STARD13: variants seen among roughly 807,000 people sequenced by gnomAD.
STARD13 encodes StAR related lipid transfer domain containing 13.
In STARD13, 62 loss-of-function variants were observed where a neutral mutation model predicts 106.4. The ratio of observed to expected loss-of-function variants is 0.58; its 90% confidence interval spans 0.48 to 0.72. The LOEUF (loss-of-function observed/expected upper bound fraction) is 0.72, where lower values mean the gene tolerates loss of function less well. Ranked by LOEUF, STARD13 falls within the 30% of genes least tolerant of loss-of-function variation. The pLI, the probability that STARD13 is intolerant of heterozygous loss-of-function variation, is 0.00. For missense variants in STARD13, 1,387 were observed against 1,424.0 expected (o/e 0.97, Z 0.42); for synonymous variants, 565 against 553.0 (o/e 1.02, Z -0.31).
intron 1 of STARD13, among the ~76,000 whole-genome samples, chr13:33,340,603 G>A (rs1359933455): frequency 6.6e-6 from 1 of 152,164 alleles, no homozygotes; most frequent in African/African-American, 2.4e-5. Context: ...GGAGAAAGGA[G>A]CATTCAACAA....
chr13:33,295,501 C>T lies in STARD13; in HGVS notation c.124+54789G>A, dbSNP rs184677474. ...CAACAGAGACAAAGTCCCTAACTCA[C>T]CTTACCATTTCCTTTACCCTTTTTT... On this transcript the variant is annotated intron_variant, in intron 1 of 5. Transcript: ENST00000567873. Among the ~76,000 whole-genome samples the T allele has an allele frequency of 1.7e-3, 264 of 152,314 alleles. 2 individuals are homozygous for T. Among genetic ancestry groups the T allele is most frequent in the Middle Eastern group, 6.8e-3 (2 of 294 alleles).
At chr13:33,584,764 T>G in the STARD13 span, among the ~76,000 whole-genome samples, 1 of 151,944 alleles carries the variant, frequency 6.6e-6, no homozygotes, top group South Asian at 2.1e-4. Flanking sequence ...TGCGATTGGA[T>G]CATGGGAGCG....
intron 1 of STARD13, among the ~76,000 whole-genome samples, chr13:33,302,326 T>C (rs1198520300): frequency 1.3e-5 from 2 of 152,208 alleles, no homozygotes; most frequent in African/African-American, 4.8e-5. Context: ...TAGCTCACAT[T>C]TTTGAACATG....
intron 11 of STARD13, 42 bp downstream of exon 11, chr13:33,110,644 G>A: frequency 6.5e-7 from 1 of 1,541,938 alleles, no homozygotes; most frequent in Non-Finnish European, 9.0e-7. Context: ...ATTGTTAGCT[G>A]TGGCTTTCTG....
intron 1 of STARD13, among the ~76,000 whole-genome samples, chr13:33,327,239 A>G (rs1355916103): frequency 6.6e-6 from 1 of 152,250 alleles, no homozygotes; most frequent in Non-Finnish European, 1.5e-5. Context: ...CCATTAAATA[A>G]GTTCTCTTGA....
intron 1 of STARD13, among the ~76,000 whole-genome samples, chr13:33,176,859 A>G (rs1341972096): frequency 1.3e-5 from 2 of 152,236 alleles, no homozygotes; most frequent in Non-Finnish European, 2.9e-5. Flanking sequence ...AAGTTACATC[A>G]ACTATAAAAA....
chr13:33,370,780 G>C, the STARD13 span, among the ~76,000 whole-genome samples: 1 of 151,436 alleles, frequency 6.6e-6, no homozygotes, highest in East Asian at 1.9e-4. Flanking sequence ...CACCATGTCT[G>C]GCTGATTTTT....
intron 11 of STARD13, among the ~76,000 whole-genome samples, chr13:33,110,322 T>C (rs1874347188): frequency 6.6e-6 from 1 of 152,226 alleles, no homozygotes; most frequent in African/African-American, 2.4e-5. Flanking sequence ...TAGTGGTTAC[T>C]GTGTGCCAGG....
At chr13:33,217,524 G>T (rs74045706) in intron 1 of STARD13, among the ~76,000 whole-genome samples, 8,680 of 152,268 alleles carry the variant, frequency 0.057, 374 homozygotes, top group African/African-American at 0.12. Context: ...TGCACGTGTG[G>T]TGCAAGCACA....
chr13:33,108,434 G>A (rs754647272), intron 12 of STARD13, among the ~76,000 whole-genome samples: 1 of 151,824 alleles, frequency 6.6e-6, no homozygotes, highest in Non-Finnish European at 1.5e-5. Flanking sequence ...CAAAATCAGT[G>A]CAGCAAGACC....
the STARD13 span, among the ~76,000 whole-genome samples, chr13:33,368,712 A>G: frequency 6.6e-6 from 1 of 152,114 alleles, no homozygotes; most frequent in South Asian, 2.1e-4. Flanking sequence ...TAGCTTTGAG[A>G]ATGAGAGTCT....
rs745888399 is a variant in STARD13 at position 33,130,100 on chromosome 13, G to T, written c.577C>A (p.Pro193Thr). The T allele has an allele frequency of 3.7e-6, 6 of 1,613,914 alleles. No homozygotes were observed. The African/African-American group carries it at 6.7e-5, about 18-fold the overall frequency. ...SESVLTDLSE[P>T]EVCSIHSESS... is the part of the protein sequence containing the mutation. ...TCGCTGTGAATGGAGCAGACCTCAGGCTCGCTCAGGTCTGTGAGGACGCTC... is the reference window on the plus strand; with the variant it reads ...TCGCTGTGAATGGAGCAGACCTCAGTCTCGCTCAGGTCTGTGAGGACGCTC... Residue 193 changes from proline to threonine, a missense_variant, in exon 5 of 14, where the codon CCT becomes ACT. Pro to Thr is a conservative substitution (Grantham distance 38, BLOSUM62 -1). Coordinates refer to ENST00000336934, the MANE Select transcript of STARD13 (RefSeq NM_178006.4). The surrounding 1 kb of genome is among the most constrained non-coding windows in gnomAD (Gnocchi z 4.1).
chr13:33,127,329 G>A, intron 6 of STARD13, 44 bp downstream of exon 6: 1 of 1,514,424 alleles, frequency 6.6e-7, no homozygotes, highest in Non-Finnish European at 8.8e-7. Context: ...CACACACTTA[G>A]CTCTAGAGCC....
chr13:33,655,051 T>G, the STARD13 span, among the ~76,000 whole-genome samples: 1 of 152,256 alleles, frequency 6.6e-6, no homozygotes, highest in Non-Finnish European at 1.5e-5. Flanking sequence ...CTGCATGGCA[T>G]TTTACAAATC....
chr13:33,342,983 C>A (rs2077977195), intron 1 of STARD13, among the ~76,000 whole-genome samples: 1 of 152,198 alleles, frequency 6.6e-6, no homozygotes, highest in South Asian at 2.1e-4. Context: ...CCACCCAGTT[C>A]CCAAGTTTTA....
chr13:33,295,604 T>C (rs1395561263), intron 1 of STARD13, among the ~76,000 whole-genome samples: 1 of 152,020 alleles, frequency 6.6e-6, no homozygotes, highest in Non-Finnish European at 1.5e-5. Flanking sequence ...TAAGACACTG[T>C]CTCTCTTCTC....
intron 1 of STARD13, among the ~76,000 whole-genome samples, chr13:33,294,357 T>A (rs1032761080): frequency 6.6e-6 from 1 of 152,220 alleles, no homozygotes; most frequent in African/African-American, 2.4e-5. Context: ...TTCTAGCTTA[T>A]ATTTTTTCCA....
chr13:33,131,220 TC>T (rs1389260578), intron 4 of STARD13, among the ~76,000 whole-genome samples: 2 of 152,178 alleles, frequency 1.3e-5, no homozygotes, highest in Non-Finnish European at 2.9e-5. Flanking sequence ...AATCATCGGA[TC>T]CTGCTTCATC....
At chr13:33,191,307 TAAC>T (rs2138504680) in intron 1 of STARD13, among the ~76,000 whole-genome samples, 1 of 152,336 alleles carries the variant, frequency 6.6e-6, no homozygotes, top group Admixed American at 6.5e-5. Flanking sequence ...AAAGGTTAAT[TAAC>T]AACGTGGCTA....
Sources: allele counts gnomAD v4.1 joint callset (sites outside exome capture counted in the v4.1 genomes callset), GRCh38; gene constraint gnomAD v4.1.1; non-coding constraint Gnocchi (gnomAD v3.1); transcripts MANE v1.5; gene names NCBI Gene and HGNC (gene_info 2026-07-23, HGNC 2026-07-21).